The following DLG2 variants were observed in gnomAD, a reference collection of about 807,000 sequenced individuals.
The protein encoded by DLG2 is disks large homolog 2.
In DLG2, 45 loss-of-function variants were observed where a neutral mutation model predicts 132.5. The observed-to-expected ratio is 0.34, with a 90% CI of 0.27 to 0.44. The LOEUF (loss-of-function observed/expected upper bound fraction) is 0.44, where lower values mean the gene tolerates loss of function less well. Among genes scored for constraint, DLG2 ranks in the 20% least tolerant of loss-of-function variants. DLG2 has a pLI of 1.00. For synonymous variants in DLG2, 424 were observed against 419.6 expected (o/e 1.01, Z -0.13); for missense variants, 1,045 against 1,196.9 (o/e 0.87, Z 1.87).
At chr11:85,260,778 C>T (rs760026136) in intron 4 of DLG2, among the ~76,000 whole-genome samples, 7 of 152,094 alleles carry the variant, frequency 4.6e-5, no homozygotes, top group Non-Finnish European at 8.8e-5. Flanking sequence ...AAAAGGAGTA[C>T]AACATGTGAC....
At chr11:85,012,865 T>A (rs551396730) in intron 6 of DLG2, among the ~76,000 whole-genome samples, 1 of 152,140 alleles carries the variant, frequency 6.6e-6, no homozygotes. Flanking sequence ...GACACTTAGA[T>A]GTTAGGTGAC....
intron 18 of DLG2, among the ~76,000 whole-genome samples, chr11:83,730,693 T>C (rs2090853491): frequency 6.6e-6 from 1 of 152,196 alleles, no homozygotes; most frequent in South Asian, 2.1e-4. Context: ...TCCTACAAAC[T>C]GCTCGCTGTG....
At chr11:83,813,331 A>G (rs1305999203) in intron 17 of DLG2, among the ~76,000 whole-genome samples, 1 of 152,182 alleles carries the variant, frequency 6.6e-6, no homozygotes, top group Non-Finnish European at 1.5e-5. Flanking sequence ...AGTGAGAACA[A>G]ATTTCATTTC....
At chr11:85,224,125 C>T (rs1378954424) in intron 4 of DLG2, among the ~76,000 whole-genome samples, 1 of 152,140 alleles carries the variant, frequency 6.6e-6, no homozygotes, top group Non-Finnish European at 1.5e-5. Context: ...TTTAGAATAA[C>T]ATCTGACACA....
intron 3 of DLG2, among the ~76,000 whole-genome samples, chr11:85,503,355 T>C (rs1324564669): frequency 6.6e-6 from 1 of 152,112 alleles, no homozygotes; most frequent in East Asian, 1.9e-4. Context: ...TTCTCAACTC[T>C]TTGATCTGAG....
rs544329200 is a variant in DLG2 at position 84,203,188 on chromosome 11, CA to C, written c.574-39678del. Among the ~76,000 whole-genome samples, 12 of 152,238 alleles carry C rather than the reference CA, an allele frequency of 7.9e-5. No homozygotes were observed. The South Asian group carries it at 2.5e-3, about 32-fold the overall frequency. ...TGTATGTTCAGTGCAGCACTGTTCA[CA>C]ATAGCAAAGGCATGGAACCAACCTA... On this transcript the variant is annotated intron_variant, in intron 8 of 27. Coordinates refer to ENST00000376104, the MANE Select transcript of DLG2 (RefSeq NM_001142699.3).
chr11:84,588,069 C>A (rs2099533986), intron 6 of DLG2, among the ~76,000 whole-genome samples: 1 of 152,140 alleles, frequency 6.6e-6, no homozygotes, highest in Non-Finnish European at 1.5e-5. Context: ...ATGGCCCCAG[C>A]ATCATTCCTC....
chr11:84,748,621 C>A (rs1474083169), intron 6 of DLG2, among the ~76,000 whole-genome samples: 1 of 152,122 alleles, frequency 6.6e-6, no homozygotes. Flanking sequence ...CCAAAAGCGA[C>A]CTAAAACATA....
chr11:83,973,501 G>A (rs1478612180), intron 12 of DLG2, among the ~76,000 whole-genome samples: 1 of 152,034 alleles, frequency 6.6e-6, no homozygotes, highest in Non-Finnish European at 1.5e-5. Flanking sequence ...ACAGAATTTT[G>A]AGAGTGAACT....
At chr11:84,942,505 C>T (rs1463683630) in intron 6 of DLG2, among the ~76,000 whole-genome samples, 3 of 152,070 alleles carry the variant, frequency 2.0e-5, no homozygotes, top group Non-Finnish European at 4.4e-5. Context: ...TATTTAATTT[C>T]CATGTGTTTG....
intron 18 of DLG2, among the ~76,000 whole-genome samples, chr11:83,778,613 G>C (rs558307580): frequency 1.3e-5 from 2 of 152,200 alleles, no homozygotes; most frequent in Middle Eastern, 3.4e-3. Context: ...CCTTTGATAT[G>C]AGTTAAAGAT....
At chr11:85,246,155 T>G (rs1308133025) in intron 4 of DLG2, among the ~76,000 whole-genome samples, 1 of 152,016 alleles carries the variant, frequency 6.6e-6, no homozygotes, top group Admixed American at 6.6e-5. Flanking sequence ...GTATCTTTAT[T>G]GATTTTGCTC....
chr11:84,491,493 G>A (rs530318295), intron 7 of DLG2, among the ~76,000 whole-genome samples: 1 of 152,204 alleles, frequency 6.6e-6, no homozygotes, highest in South Asian at 2.1e-4. Flanking sequence ...TCAGCAACGT[G>A]CAAACAGACT....
chr11:84,189,666 T>C (rs1646454495), intron 8 of DLG2, among the ~76,000 whole-genome samples: 1 of 152,164 alleles, frequency 6.6e-6, no homozygotes, highest in Non-Finnish European at 1.5e-5. Flanking sequence ...ATCATGTTCT[T>C]TGCAGGAACA....
At position 84,416,029 on chromosome 11, in the gene DLG2, G is replaced by A. The variant is rs190344108; in HGVS notation, c.519+118541C>T. Among the ~76,000 whole-genome samples, 148 of 152,008 alleles carry A rather than the reference G, an allele frequency of 9.7e-4. 1 individual carries two copies. The highest frequency in any genetic ancestry group is 3.4e-3 in the Middle Eastern group (1 of 292). On this transcript the variant is annotated intron_variant, in intron 7 of 27. Transcript: ENST00000376104. The stretch of plus-strand genomic sequence containing the variant: ...CAAACTAATCATTGGCTTCTTTCCA[G>A]TTCTTTCTCCTTTCATCTTAATCTC...
chr11:84,121,541 A>ATTT lies in DLG2; in HGVS notation c.625-22497_625-22495dup, dbSNP rs869183421. Among the ~76,000 whole-genome samples, 53 of 66,684 alleles carry ATTT rather than the reference A, an allele frequency of 7.9e-4. 11 individuals carry two copies. The highest frequency in any genetic ancestry group is 2.2e-3 in the East Asian group (5 of 2,308). The allele number at this position is 66,684 out of a possible 152,430, so 43.7% of individuals were successfully genotyped here. A position where few individuals can be genotyped will look rare whatever the true frequency, so the allele number is the denominator to read the frequency against. ...TTACTCTCACTTATATTCCTTGCTA[A>ATTT]TTTTTTTTTTTTTTTTTTTTTTTTT... On this transcript the variant is annotated intron_variant, in intron 9 of 27. Transcript: ENST00000376104.
intron 11 of DLG2, among the ~76,000 whole-genome samples, chr11:84,031,811 C>A (rs1277270004): frequency 2.6e-5 from 4 of 152,170 alleles, no homozygotes; most frequent in African/African-American, 9.7e-5. Flanking sequence ...GCTAACCCTG[C>A]ATCAAGCATG....
At chr11:85,417,253 T>C (rs1295684221) in intron 3 of DLG2, among the ~76,000 whole-genome samples, 3 of 152,178 alleles carry the variant, frequency 2.0e-5, no homozygotes, top group Admixed American at 6.6e-5. Flanking sequence ...CTTGTATTGA[T>C]TTGTGTATAT....
At chr11:84,255,346 TG>T (rs1182721098) in intron 7 of DLG2, among the ~76,000 whole-genome samples, 1 of 152,130 alleles carries the variant, frequency 6.6e-6, no homozygotes, top group African/African-American at 2.4e-5. Context: ...ATTTTTGAGA[TG>T]GGGTCTCGCT....
Sources: allele counts gnomAD v4.1 joint callset (sites outside exome capture counted in the v4.1 genomes callset), GRCh38; gene constraint gnomAD v4.1.1; transcripts MANE v1.5; gene names NCBI Gene and HGNC (gene_info 2026-07-23, HGNC 2026-07-21).